SLC28A1: variants seen among roughly 807,000 people sequenced by gnomAD.
The protein encoded by SLC28A1 is sodium/nucleoside cotransporter 1.
Under a neutral mutation model 74.8 loss-of-function variants are expected in SLC28A1, and 64 were observed. That is an observed-to-expected ratio of 0.86 (90% CI 0.70 to 1.05). SLC28A1 has a LOEUF of 1.05. Ranked by LOEUF, SLC28A1 falls within the 50% of genes least tolerant of loss-of-function variation. The pLI is 0.00. For missense variants in SLC28A1, 828 were observed against 822.8 expected (o/e 1.01, Z -0.08); for synonymous variants, 359 against 335.0 (o/e 1.07, Z -0.78).
At chr15:84,950,228 C>T (rs376526903), downstream of SLC28A1, among the ~76,000 whole-genome samples, 3 of 152,140 alleles carry the variant, frequency 2.0e-5, no homozygotes, top group African/African-American at 4.8e-5. Flanking sequence ...AAGAAATCAA[C>T]GTGGCTATGA....
At chr15:84,973,395 G>A in the SLC28A1 span, among the ~76,000 whole-genome samples, 1 of 152,156 alleles carries the variant, frequency 6.6e-6, no homozygotes, top group Non-Finnish European at 1.5e-5. Flanking sequence ...TCTATCCGGG[G>A]CTCAACCATT....
chr15:84,952,777 C>T, the SLC28A1 span, among the ~76,000 whole-genome samples: 34 of 152,162 alleles, frequency 2.2e-4, no homozygotes, highest in Non-Finnish European at 4.1e-4. Context: ...TAGTCCCAGC[C>T]ACTCCTGGGA....
the SLC28A1 span, among the ~76,000 whole-genome samples, chr15:84,954,890 C>T: frequency 1.3e-5 from 2 of 152,168 alleles, no homozygotes; most frequent in African/African-American, 4.8e-5. Context: ...AGGCTTGTGA[C>T]TGCTTTGAGA....
chr15:84,918,680 T>G, intron 10 of SLC28A1, 76 bp downstream of exon 10: 1 of 1,162,408 alleles, frequency 8.6e-7, no homozygotes, highest in Non-Finnish European at 1.3e-6. Context: ...CCAGAATGCC[T>G]TGCTCCCAGA....
chr15:84,895,406 C>A (rs753245630), intron 6 of SLC28A1: 30 of 1,613,890 alleles, frequency 1.9e-5, no homozygotes, highest in Admixed American at 3.3e-5. Flanking sequence ...CAAGGAGGGC[C>A]CGAATCAGTA....
chr15:84,951,466 G>T, the SLC28A1 span, among the ~76,000 whole-genome samples: 1 of 151,768 alleles, frequency 6.6e-6, no homozygotes, highest in Non-Finnish European at 1.5e-5. Flanking sequence ...AGGAGTCTGG[G>T]GTCCTGATGT....
chr15:84,937,126 A>ATTTTTGTT (rs1338982779), intron 15 of SLC28A1, among the ~76,000 whole-genome samples: 1 of 150,140 alleles, frequency 6.7e-6, no homozygotes, highest in Non-Finnish European at 1.5e-5. Context: ...TGCTGTAGCC[A>ATTTTTGTT]TTTTTGTTTT....
Position 84,945,577 on chromosome 15 carries a change from C to T in SLC28A1, c.*377C>T. On this transcript the variant is annotated 3_prime_UTR_variant, in exon 19 of 19. Coordinates refer to ENST00000394573, the MANE Select transcript of SLC28A1 (RefSeq NM_004213.5). ...GTTGTGGGCTGCACACCAAAGCCTC[C>T]TCCCCTCCCCACTTCCTAGGCACTA... 3.1e-6 allele frequency: 1 copy of T among 318,316 alleles called. No individual in the cohort carries two copies. The highest frequency in any genetic ancestry group is 6.1e-6 in the Non-Finnish European group (1 of 163,124). The allele number at this position is 318,316 out of a possible 1,614,324, so 19.7% of individuals were successfully genotyped here. A position where few individuals can be genotyped will look rare whatever the true frequency, so the allele number is the denominator to read the frequency against.
At chr15:84,936,870 T>C (rs1454830482) in intron 15 of SLC28A1, among the ~76,000 whole-genome samples, 1 of 151,780 alleles carries the variant, frequency 6.6e-6, no homozygotes, top group Non-Finnish European at 1.5e-5. Context: ...CTGGGCAACA[T>C]AATGAGCCCC....
chr15:84,974,796 T>C, the SLC28A1 span, among the ~76,000 whole-genome samples: 1 of 151,700 alleles, frequency 6.6e-6, no homozygotes, highest in Non-Finnish European at 1.5e-5. Flanking sequence ...TGTTGGGGAG[T>C]CGGGGATTGT....
chr15:84,902,592 G>T (rs1596248825), intron 6 of SLC28A1, among the ~76,000 whole-genome samples: 1 of 152,230 alleles, frequency 6.6e-6, no homozygotes, highest in East Asian at 1.9e-4. Context: ...TCACTCTCTT[G>T]ATTGCGGTGA....
intron 9 of SLC28A1, among the ~76,000 whole-genome samples, chr15:84,914,802 A>C (rs1968852906): frequency 6.6e-6 from 1 of 152,156 alleles, no homozygotes; most frequent in African/African-American, 2.4e-5. Flanking sequence ...GATATTGGCC[A>C]CAGGGACCTT....
the SLC28A1 span, among the ~76,000 whole-genome samples, chr15:84,961,834 G>A: frequency 6.6e-6 from 1 of 152,142 alleles, no homozygotes; most frequent in Non-Finnish European, 1.5e-5. Context: ...GATTCACAAC[G>A]GCAGCACCTA....
intron 12 of SLC28A1, among the ~76,000 whole-genome samples, chr15:84,928,553 TC>T (rs1970796490): frequency 1.8e-4 from 4 of 22,294 alleles, no homozygotes; most frequent in African/African-American, 1.1e-3. Context: ...TTTCTTTCTT[TC>T]TTTCTTTCTT....
downstream of SLC28A1, among the ~76,000 whole-genome samples, chr15:84,946,155 A>G (rs2079223726): frequency 1.1e-5 from 1 of 93,650 alleles, no homozygotes; most frequent in Non-Finnish European, 2.0e-5. Flanking sequence ...AGGTCTTGCT[A>G]TGTTGCCCAG....
chr15:84,907,656 C>G (rs1281004303), intron 8 of SLC28A1, among the ~76,000 whole-genome samples: 1 of 152,096 alleles, frequency 6.6e-6, no homozygotes, highest in African/African-American at 2.4e-5. Context: ...TAGGCATGAG[C>G]CACTACACCT....
intron 8 of SLC28A1, among the ~76,000 whole-genome samples, chr15:84,906,151 C>T (rs371631458): frequency 5.7e-4 from 86 of 151,680 alleles, no homozygotes; most frequent in African/African-American, 2.0e-3. Context: ...TGCCCAGTAG[C>T]TGGGATTACA....
intron 12 of SLC28A1, among the ~76,000 whole-genome samples, chr15:84,926,001 A>G (rs573293454): frequency 5.3e-5 from 8 of 150,232 alleles, no homozygotes; most frequent in African/African-American, 1.7e-4. Context: ...GTGAAGGCCT[A>G]TCAGTCTATT....
chr15:84,908,574 C>T lies in SLC28A1; in HGVS notation c.718-144C>T. On this transcript the variant is annotated intron_variant, in intron 8 of 18. Coordinates refer to ENST00000394573, the MANE Select transcript of SLC28A1 (RefSeq NM_004213.5). Reference sequence around the variant, plus strand: ...GCCCGTGACAGCAGCTTTAACGCACCTTGCCAGGTGGTGCCCCCCCCCGGA... The same window carrying T: ...GCCCGTGACAGCAGCTTTAACGCACTTTGCCAGGTGGTGCCCCCCCCCGGA... The T allele has an allele frequency of 4.2e-6, 3 of 712,944 alleles. No individual in the cohort carries two copies. In the East Asian group the frequency reaches 7.9e-5, roughly 19 times the overall value. The allele number at this position is 712,944 out of a possible 1,614,324, so 44.2% of individuals were successfully genotyped here.
Sources: gnomAD v4.1 joint callset for allele counts (sites outside exome capture counted in the v4.1 genomes callset) on GRCh38, gnomAD v4.1.1 for gene constraint, MANE v1.5 for transcripts, NCBI Gene and HGNC (gene_info 2026-07-23, HGNC 2026-07-21) for gene names.